OR4D1: variants seen among roughly 807,000 people sequenced by gnomAD.
The protein encoded by OR4D1 is olfactory receptor 4D1.
Under a neutral mutation model 14.2 loss-of-function variants are expected in OR4D1, and 10 were observed. That is an observed-to-expected ratio of 0.71 (90% CI 0.44 to 1.20). The LOEUF (loss-of-function observed/expected upper bound fraction) is 1.20. Ranked by LOEUF, OR4D1 falls within the 50% of genes most tolerant of loss-of-function variation. The pLI is 0.00. For missense variants in OR4D1, 345 were observed against 376.6 expected, an observed-to-expected ratio of 0.92 and a Z score of 0.70; for synonymous variants, 141 against 147.4, an observed-to-expected ratio of 0.96 and a Z score of 0.32.
rs141149249 is a variant in OR4D1 at position 58,153,399 on chromosome 17, C to A, written c.-126-458C>A. ...AGTTGGTGAAGCCACAGAACAAACA[C>A]AGCACATCTTCCTGGAATATCATTT... is the stretch of plus-strand genomic sequence containing the variant. On this transcript the variant is annotated intron_variant, in intron 2 of 3. Coordinates refer to ENST00000268912, the MANE Select transcript of OR4D1 (RefSeq NM_001386095.1). Among the ~76,000 whole-genome samples the A allele has an allele frequency of 1.1e-3, 165 of 152,342 alleles. 1 individual carries two copies. The highest frequency in any genetic ancestry group is 3.8e-3 in the African/African-American group (159 of 41,576).
chr17:58,159,536 ACT>A lies in OR4D1; in HGVS notation c.*3451_*3452del, dbSNP rs1967824167. On this transcript the variant is annotated 3_prime_UTR_variant, in exon 4 of 4. Transcript: ENST00000268912. ...AAACCTGTTGGAACCTTAATCTTGG[ACT>A]GTCCAGCCTCCAGAACTGCAAAAGA... 6.6e-6 allele frequency: 1 copy of A among 152,516 alleles called. No individual in the cohort carries two copies. The highest frequency in any genetic ancestry group is 1.5e-5 in the Non-Finnish European group (1 of 68,134). 9.4% of individuals were successfully genotyped at this position (152,516 alleles called of 1,614,324 possible). A position where few individuals can be genotyped will look rare whatever the true frequency, so the allele number is the denominator to read the frequency against.
rs1011537573 is a variant in OR4D1 at position 58,155,782 on chromosome 17, G to T, written c.629G>T (p.Trp210Leu). The change falls in exon 4 of 4, where the codon TGG becomes TTG. Residue 210 changes from tryptophan to leucine, a missense_variant. By Grantham distance (61) the Trp-to-Leu change is moderately conservative. Transcript: ENST00000268912. ...ISNSGLLVII[W>L]FLLLLISYTV... ...AACAGTGGGCTGCTAGTTATCATCT[G>T]GTTCCTCCTCCTTCTGATCTCTTAT... The T allele has an allele frequency of 2.5e-6, 4 of 1,614,112 alleles. No homozygotes were observed. The highest frequency in any genetic ancestry group is 1.1e-5 in the South Asian group (1 of 91,074).
In OR4D1 at chr17:58,151,723, C is replaced by T. The variant is rs529630990; in HGVS notation, c.-127+1927C>T. Among the ~76,000 whole-genome samples the T allele has an allele frequency of 2.9e-4, 44 of 152,298 alleles. 1 individual carries two copies. In the South Asian group the frequency reaches 8.7e-3, roughly 30 times the overall value. ...AACATCCTTTTAGGATATATTTATT[C>T]TTAACTAGTATTTCATCCCATGGAG... On this transcript the variant is annotated intron_variant, in intron 2 of 3. Transcript: ENST00000268912.
Position 58,155,764 on chromosome 17 carries a change from G to A in OR4D1, c.611G>A (p.Gly204Glu). 1 of 1,614,070 alleles carries A rather than the reference G, an allele frequency of 6.2e-7. No homozygotes were observed. The highest frequency in any genetic ancestry group is 1.1e-5 in the South Asian group (1 of 91,078). ...GAGTTCCTCATGATCTCCAACAGTG[G>A]GCTGCTAGTTATCATCTGGTTCCTC... Reference protein sequence around the residue: ...LLEFLMISNSGLLVIIWFLLL... With the variant: ...LLEFLMISNSELLVIIWFLLL... The change falls in exon 4 of 4, where the codon GGG becomes GAG. Residue 204 changes from glycine to glutamate, a missense_variant. By Grantham distance (98) the Gly-to-Glu change is moderately conservative. Transcript: ENST00000268912.
chr17:58,150,288 G>T (rs1393584706), intron 2 of OR4D1, among the ~76,000 whole-genome samples: 1 of 152,178 alleles, frequency 6.6e-6, no homozygotes, highest in Admixed American at 6.5e-5. Context: ...AAAACCTTTT[G>T]AAATAGAGGG....
In OR4D1 at chr17:58,155,438, G is replaced by A; in HGVS notation, c.285G>A (p.Gln95=). ...FLHETKTISY[Q]GCMAQIFFFH... ...ATGAGACCAAGACGATCTCCTACCAGGGCTGCATGGCCCAGATCTTCTTCT... is the reference window on the plus strand; with the variant it reads ...ATGAGACCAAGACGATCTCCTACCAAGGCTGCATGGCCCAGATCTTCTTCT... The change falls in exon 4 of 4, where the codon CAG becomes CAA. Residue 95 remains glutamine (Q), a synonymous_variant. Transcript: ENST00000268912. 1 of 1,614,166 alleles carries A rather than the reference G, an allele frequency of 6.2e-7. No individual in the cohort carries two copies. Among genetic ancestry groups the A allele is most frequent in the South Asian group, 1.1e-5 (1 of 91,080 alleles).
At position 58,155,539 on chromosome 17, in the gene OR4D1, C is replaced by CA; in HGVS notation, c.386_387insA (p.Leu130ProfsTer47). On this transcript the variant is annotated frameshift_variant, in exon 4 of 4. Transcript: ENST00000268912. LOFTEE classifies it high-confidence loss of function. ...GACCGCTACATAGCCATCTCCCAGCCCCTCCGGTATGTCACCATCATGAAC... is the reference window on the plus strand; with the variant it reads ...GACCGCTACATAGCCATCTCCCAGCCACCTCCGGTATGTCACCATCATGAAC... 6.2e-7 allele frequency: 1 copy of CA among 1,614,166 alleles called. No individual in the cohort carries two copies. The highest frequency in any genetic ancestry group is 8.5e-7 in the Non-Finnish European group (1 of 1,180,024).
chr17:58,150,850 T>C (rs1187180415), intron 2 of OR4D1, among the ~76,000 whole-genome samples: 1 of 152,142 alleles, frequency 6.6e-6, no homozygotes, highest in African/African-American at 2.4e-5. Context: ...CCCGAACCCT[T>C]CCCCTTGCAC....
chr17:58,157,737 T>C lies in OR4D1; in HGVS notation c.*1651T>C. The C allele has an allele frequency of 3.1e-6, 5 of 1,613,658 alleles. No individual in the cohort carries two copies. Among genetic ancestry groups the C allele is most frequent in the Admixed American group, 1.7e-5 (1 of 60,026 alleles). ...GCATCCTACCCGTTCCATAGACCTGTGCTTCCCATCCCGCCCGTGGGACTC... is the reference window on the plus strand; with the variant it reads ...GCATCCTACCCGTTCCATAGACCTGCGCTTCCCATCCCGCCCGTGGGACTC... On this transcript the variant is annotated 3_prime_UTR_variant, in exon 4 of 4. Transcript: ENST00000268912.
At chr17:58,150,400 A>G (rs1052378441) in intron 2 of OR4D1, among the ~76,000 whole-genome samples, 1 of 152,244 alleles carries the variant, frequency 6.6e-6, no homozygotes, top group Non-Finnish European at 1.5e-5. Context: ...GGCCCACAGC[A>G]ATAAGCCAGA....
Position 58,157,130 on chromosome 17 carries a change from C to A in OR4D1, c.*1044C>A. On this transcript the variant is annotated 3_prime_UTR_variant, in exon 4 of 4. Coordinates refer to ENST00000268912, the MANE Select transcript of OR4D1 (RefSeq NM_001386095.1). ...AGGAGCGCCGCGTCAAGGTCTCCAGCCTGCCCTACAGTGTGGATGCGCTCG... is the reference window on the plus strand; with the variant it reads ...AGGAGCGCCGCGTCAAGGTCTCCAGACTGCCCTACAGTGTGGATGCGCTCG... The A allele has an allele frequency of 6.8e-7, 1 of 1,480,632 alleles. No individual in the cohort carries two copies. 91.7% of individuals were successfully genotyped at this position (1,480,632 alleles called of 1,614,324 possible).
rs143435296 is a variant in OR4D1 at position 58,158,722 on chromosome 17, G to A, written c.*2636G>A. The A allele has an allele frequency of 1.3e-5, 2 of 151,886 alleles. No homozygotes were observed. Among genetic ancestry groups the A allele is most frequent in the East Asian group, 1.9e-4 (1 of 5,178 alleles). The allele number at this position is 151,886 out of a possible 1,614,324, so 9.4% of individuals were successfully genotyped here. A position where few individuals can be genotyped will look rare whatever the true frequency, so the allele number is the denominator to read the frequency against. ...ATTGCAAAGATTATTTGGGTGGGGG[G>A]GTACAGTAATTTTCTGCTTAAAAAA... On this transcript the variant is annotated 3_prime_UTR_variant, in exon 4 of 4. Transcript: ENST00000268912.
rs1967787736 is a variant in OR4D1 at position 58,157,192 on chromosome 17, T to C, written c.*1106T>C. 16 of 1,462,420 alleles carry C rather than the reference T, an allele frequency of 1.1e-5. No homozygotes were observed. Among genetic ancestry groups the C allele is most frequent in the Non-Finnish European group, 1.4e-5 (16 of 1,107,464 alleles). 90.6% of individuals were successfully genotyped at this position (1,462,420 alleles called of 1,614,324 possible). A position where few individuals can be genotyped will look rare whatever the true frequency, so the allele number is the denominator to read the frequency against. Reference sequence around the variant, plus strand: ...AAGCCGCCCAAGGAGGCATCCCCAGTGCCGGCCAAAAGCGCCTCTTCCGGG... The same window carrying C: ...AAGCCGCCCAAGGAGGCATCCCCAGCGCCGGCCAAAAGCGCCTCTTCCGGG... On this transcript the variant is annotated 3_prime_UTR_variant, in exon 4 of 4. Transcript: ENST00000268912.
rs1967804609 is a variant in OR4D1, at chr17:58,158,345, G to C, written c.*2259G>C. The C allele has an allele frequency of 6.6e-6, 1 of 151,934 alleles. No individual in the cohort carries two copies. The highest frequency in any genetic ancestry group is 6.6e-5 in the Admixed American group (1 of 15,262). 9.4% of individuals were successfully genotyped at this position (151,934 alleles called of 1,614,324 possible). A position where few individuals can be genotyped will look rare whatever the true frequency, so the allele number is the denominator to read the frequency against. On this transcript the variant is annotated 3_prime_UTR_variant, in exon 4 of 4. Transcript: ENST00000268912. ...ACATAGAAAGTATTAGATATGGAGA[G>C]GTTTTTCAAAGTGAAGGGGACACAT...
intron 3 of OR4D1, among the ~76,000 whole-genome samples, chr17:58,154,304 T>C (rs1967738992): frequency 6.6e-6 from 1 of 151,154 alleles, no homozygotes; most frequent in Non-Finnish European, 1.5e-5. Context: ...ACTTTGGTCT[T>C]GTCAAAGTTT....
chr17:58,157,035 T>C lies in OR4D1; in HGVS notation c.*949T>C. On this transcript the variant is annotated 3_prime_UTR_variant, in exon 4 of 4. Transcript: ENST00000268912. The stretch of plus-strand genomic sequence containing the variant: ...AGGGAAGGCATGGCTTCTGTTTTCG[T>C]CCAATGAGAAGGGGCCAGCGGTGGC... 9.2e-7 allele frequency: 1 copy of C among 1,082,278 alleles called. No homozygotes were observed. The highest frequency in any genetic ancestry group is 1.4e-5 in the South Asian group (1 of 73,786). 67.0% of individuals were successfully genotyped at this position (1,082,278 alleles called of 1,614,324 possible).
rs28602491 is a variant in OR4D1, at chr17:58,155,803, C to T, written c.650C>T (p.Ser217Phe). Residue 217 changes from serine to phenylalanine, a missense_variant, in exon 4 of 4, where the codon TCT becomes TTT. Coordinates refer to ENST00000268912, the MANE Select transcript of OR4D1 (RefSeq NM_001386095.1). ...ATCTGGTTCCTCCTCCTTCTGATCT[C>T]TTATACTGTCATCCTGGTGATGCTG... Reference protein sequence around the residue: ...VIIWFLLLLISYTVILVMLRS... With the variant: ...VIIWFLLLLIFYTVILVMLRS... 5.0e-4 allele frequency: 813 copies of T among 1,614,216 alleles called. 3 individuals are homozygous for T. The African/African-American group carries it at 9.8e-3, about 19-fold the overall frequency.
chr17:58,158,447 CCA>C lies in OR4D1; in HGVS notation c.*2363_*2364del, dbSNP rs1314849481. 3.2e-5 allele frequency: 3 copies of C among 94,396 alleles called. No individual in the cohort carries two copies. The highest frequency in any genetic ancestry group is 6.6e-5 in the African/African-American group (2 of 30,204). 5.8% of individuals were successfully genotyped at this position (94,396 alleles called of 1,614,324 possible). The stretch of plus-strand genomic sequence containing the variant: ...TATTTGTTCCTATCTCTCCCCACGC[CCA>C]CCCCCCCCCCACACACACATTTTTA... On this transcript the variant is annotated 3_prime_UTR_variant, in exon 4 of 4. Transcript: ENST00000268912.
chr17:58,156,973 T>A lies in OR4D1; in HGVS notation c.*887T>A. 1 of 712,392 alleles carries A rather than the reference T, an allele frequency of 1.4e-6. No homozygotes were observed. Among genetic ancestry groups the A allele is most frequent in the South Asian group, 1.5e-5 (1 of 65,580 alleles). 44.1% of individuals were successfully genotyped at this position (712,392 alleles called of 1,614,324 possible). ...AAAAAGTTTGAGTCGCCGCTGCGGG[T>A]TGCTAGCGGAGTCGCGCGTCGGGAG... On this transcript the variant is annotated 3_prime_UTR_variant, in exon 4 of 4. Transcript: ENST00000268912.
Sources: allele counts gnomAD v4.1 joint callset (sites outside exome capture counted in the v4.1 genomes callset), GRCh38; gene constraint gnomAD v4.1.1; transcripts MANE v1.5; gene names NCBI Gene and HGNC (gene_info 2026-07-23, HGNC 2026-07-21).